SOWAHA: variants seen among roughly 807,000 people sequenced by gnomAD.
SOWAHA encodes sosondowah ankyrin repeat domain family member A.
In SOWAHA, 17 loss-of-function variants were observed where a neutral mutation model predicts 21.1. That is an observed-to-expected ratio of 0.80 (90% confidence interval 0.55 to 1.21). SOWAHA has a LOEUF of 1.21. SOWAHA is among the 50% of genes most tolerant of loss of function. SOWAHA has a pLI of 0.00. For synonymous variants in SOWAHA, 422 were observed against 397.1 expected, an observed-to-expected ratio of 1.06 and a Z score of -0.75; for missense variants, 862 against 816.0, an observed-to-expected ratio of 1.06 and a Z score of -0.69.
In SOWAHA at chr5:132,815,171, C is replaced by T; in HGVS notation, c.1550C>T (p.Thr517Ile). ...TCGCCCATGGCTCCACGTAAAAAGA[C>T]AAAGATCCGCGGTGGTCTGCCAGCC... Reference protein sequence around the residue: ...SASPMAPRKKTKIRGGLPAFS... With the variant: ...SASPMAPRKKIKIRGGLPAFS... The change falls in exon 1 of 1, where the codon ACA becomes ATA. Residue 517 changes from threonine to isoleucine, a missense_variant. By Grantham distance (89) the Thr-to-Ile change is moderately conservative. Transcript: ENST00000378693. The T allele has an allele frequency of 6.2e-7, 1 of 1,614,056 alleles. No homozygotes were observed. Among genetic ancestry groups the T allele is most frequent in the Non-Finnish European group, 8.5e-7 (1 of 1,180,044 alleles).
Position 132,813,467 on chromosome 5 carries a change from T to G in SOWAHA, c.-155T>G, listed in dbSNP as rs553720724. ...CCGAGACGCCCCGGCCCAGCGGCAC[T>G]GGCGCGACCGAGGTCCAGCTTCGGG... On this transcript the variant is annotated 5_prime_UTR_variant, in exon 1 of 1. Coordinates refer to ENST00000378693, the MANE Select transcript of SOWAHA (RefSeq NM_175873.6). The G allele has an allele frequency of 3.4e-4, 127 of 377,150 alleles. 5 individuals carry two copies. The East Asian group carries it at 0.017, about 50-fold the overall frequency. The allele number at this position is 377,150 out of a possible 1,614,324, so 23.4% of individuals were successfully genotyped here. A position where few individuals can be genotyped will look rare whatever the true frequency, so the allele number is the denominator to read the frequency against.
At position 132,814,830 on chromosome 5, in the gene SOWAHA, G is replaced by C; in HGVS notation, c.1209G>C (p.Leu403=). 1 of 1,516,662 alleles carries C rather than the reference G, an allele frequency of 6.6e-7. No individual in the cohort carries two copies. Among genetic ancestry groups the C allele is most frequent in the Non-Finnish European group, 8.8e-7 (1 of 1,130,618 alleles). The allele number at this position is 1,516,662 out of a possible 1,614,324, so 94.0% of individuals were successfully genotyped here. Residue 403 remains leucine (L), a synonymous_variant, in exon 1 of 1, where the codon CTG becomes CTC. Transcript: ENST00000378693. The part of the protein sequence containing the change: ...ALHGHEDAAV[L]LVVRLGAQVH... ...ACGGCCACGAGGACGCTGCCGTGCTGCTGGTGGTGCGTCTGGGTGCCCAGG... is the reference window on the plus strand; with the variant it reads ...ACGGCCACGAGGACGCTGCCGTGCTCCTGGTGGTGCGTCTGGGTGCCCAGG...
chr5:132,815,299 T>G lies in SOWAHA; in HGVS notation c.*28T>G, dbSNP rs922031749. 1 of 1,586,186 alleles carries G rather than the reference T, an allele frequency of 6.3e-7. No individual in the cohort carries two copies. Among genetic ancestry groups the G allele is most frequent in the South Asian group, 1.1e-5 (1 of 87,182 alleles). ...GTCCCTGGGGCTACCACCTGGTTGA[T>G]CTATCGTGGCCTGCTCGTCGCAGTC... On this transcript the variant is annotated 3_prime_UTR_variant, in exon 1 of 1. Transcript: ENST00000378693.
Position 132,813,306 on chromosome 5 carries a change from G to C in SOWAHA, c.-316G>C, listed in dbSNP as rs566840749. On this transcript the variant is annotated 5_prime_UTR_variant, in exon 1 of 1. Coordinates refer to ENST00000378693, the MANE Select transcript of SOWAHA (RefSeq NM_175873.6). ...TGCATCGCGGGGGCAGCTGTCACCT[G>C]TAAGGCGAGCGCGGCGCGGGGGATG... Among the ~76,000 whole-genome samples, 44 of 152,130 alleles carry C rather than the reference G, an allele frequency of 2.9e-4. No individual in the cohort carries two copies. Among genetic ancestry groups the C allele is most frequent in the Non-Finnish European group, 5.0e-4 (34 of 67,982 alleles).
Position 132,815,142 on chromosome 5 carries a change from C to G in SOWAHA, c.1521C>G (p.Ser507Arg). The part of the protein sequence containing the change: ...KKSSSFSKFL[S>R]ASPMAPRKKT... ...CGAGCTCCTTCAGCAAGTTCTTGAG[C>G]GCCTCGCCCATGGCTCCACGTAAAA... Residue 507 changes from serine (S) to arginine (R), a missense_variant, in exon 1 of 1, where the codon AGC becomes AGG. Coordinates refer to ENST00000378693, the MANE Select transcript of SOWAHA (RefSeq NM_175873.6). 6.2e-7 allele frequency: 1 copy of G among 1,614,042 alleles called. No homozygotes were observed. Among genetic ancestry groups the G allele is most frequent in the Non-Finnish European group, 8.5e-7 (1 of 1,180,028 alleles).
chr5:132,813,634 G>C lies in SOWAHA; in HGVS notation c.13G>C (p.Ala5Pro). 1 of 1,365,922 alleles carries C rather than the reference G, an allele frequency of 7.3e-7. No homozygotes were observed. Among genetic ancestry groups the C allele is most frequent in the Non-Finnish European group, 9.4e-7 (1 of 1,065,136 alleles). The allele number at this position is 1,365,922 out of a possible 1,614,324, so 84.6% of individuals were successfully genotyped here. The change falls in exon 1 of 1, where the codon GCC becomes CCC. Residue 5 changes from alanine (A) to proline (P), a missense_variant. Ala to Pro is a conservative substitution (Grantham distance 27). Coordinates refer to ENST00000378693, the MANE Select transcript of SOWAHA (RefSeq NM_175873.6). ...CCAGGGCCCCACCATGGCGCTGGCCGCCGCCGCCGCCGCTGCGGCTGCCGG... is the reference window on the plus strand; with the variant it reads ...CCAGGGCCCCACCATGGCGCTGGCCCCCGCCGCCGCCGCTGCGGCTGCCGG... Reference protein sequence around the residue: MALAAAAAAAAAGVS... With the variant: MALAPAAAAAAAGVS...
At position 132,814,977 on chromosome 5, in the gene SOWAHA, C is replaced by T. The variant is rs771862254; in HGVS notation, c.1356C>T (p.Thr452=). 6.3e-6 allele frequency: 10 copies of T among 1,590,398 alleles called. No homozygotes were observed. In the African/African-American group the frequency reaches 1.1e-4, roughly 17 times the overall value. ...GAGGCACCACGGAGCCAGATGCGAC[C>T]GGTGGTGGAAGTGGCAGTCTTGCTG... is the stretch of plus-strand genomic sequence containing the variant. ...GLRGTTEPDA[T]GGGSGSLAAR... The change falls in exon 1 of 1, where the codon ACC becomes ACT. Residue 452 remains threonine, a synonymous_variant. Coordinates refer to ENST00000378693, the MANE Select transcript of SOWAHA (RefSeq NM_175873.6).
rs1758386169 is a variant in SOWAHA at position 132,816,470 on chromosome 5, T to C, written c.*1199T>C. The C allele has an allele frequency of 6.0e-6, 1 of 167,116 alleles. No individual in the cohort carries two copies. Among genetic ancestry groups the C allele is most frequent in the Non-Finnish European group, 1.5e-5 (1 of 68,120 alleles). 10.4% of individuals were successfully genotyped at this position (167,116 alleles called of 1,614,324 possible). A position where few individuals can be genotyped will look rare whatever the true frequency, so the allele number is the denominator to read the frequency against. ...ATGAGTGGCTTAACTTCTCTGGGCC[T>C]TTGTTCCTATCTGTAAATGAGAAAG... On this transcript the variant is annotated 3_prime_UTR_variant, in exon 1 of 1. Coordinates refer to ENST00000378693, the MANE Select transcript of SOWAHA (RefSeq NM_175873.6).
At position 132,815,893 on chromosome 5, in the gene SOWAHA, TA is replaced by T. The variant is rs1364535045; in HGVS notation, c.*626del. On this transcript the variant is annotated 3_prime_UTR_variant, in exon 1 of 1. Transcript: ENST00000378693. ...GGAAATTAATCCCAACCAACAAACT[TA>T]AAAGTTTATCTACCTCGTTTTAGGC... 1 of 166,874 alleles carries T rather than the reference TA, an allele frequency of 6.0e-6. No individual in the cohort carries two copies. Among genetic ancestry groups the T allele is most frequent in the African/African-American group, 2.4e-5 (1 of 41,462 alleles). 10.3% of individuals were successfully genotyped at this position (166,874 alleles called of 1,614,324 possible).
Position 132,813,872 on chromosome 5 carries a change from G to A in SOWAHA, c.251G>A (p.Arg84Gln), listed in dbSNP as rs368749353. ...TTCGTGGTGCTGAGGAAGAAGCCCC[G>A]GCCCCCGGAGCCCGAGCCCGCACCC... The part of the protein sequence containing the change: ...VKFVVLRKKP[R>Q]PPEPEPAPFG... The change falls in exon 1 of 1, where the codon CGG becomes CAG. Residue 84 changes from arginine to glutamine, a missense_variant. Arg to Gln is a conservative substitution (Grantham distance 43). Transcript: ENST00000378693. 1.9e-5 allele frequency: 29 copies of A among 1,548,428 alleles called. No individual in the cohort carries two copies. The highest frequency in any genetic ancestry group is 1.4e-4 in the African/African-American group (10 of 72,702).
In SOWAHA at chr5:132,814,229, C is replaced by G. The variant is rs1228099522; in HGVS notation, c.608C>G (p.Pro203Arg). 2 of 1,552,808 alleles carry G rather than the reference C, an allele frequency of 1.3e-6. No homozygotes were observed. The highest frequency in any genetic ancestry group is 1.4e-5 in the African/African-American group (1 of 71,908). Residue 203 changes from proline to arginine, a missense_variant, in exon 1 of 1, where the codon CCC becomes CGC. Pro to Arg is a moderately radical substitution (Grantham distance 103). Transcript: ENST00000378693. ...SPCSDPPDAE[P>R]GPGAAKGPPQ... Reference sequence around the variant, plus strand: ...TGCTCTGATCCGCCAGACGCGGAGCCCGGGCCCGGGGCAGCGAAAGGGCCG... The same window carrying G: ...TGCTCTGATCCGCCAGACGCGGAGCGCGGGCCCGGGGCAGCGAAAGGGCCG...
At position 132,813,741 on chromosome 5, in the gene SOWAHA, G is replaced by A; in HGVS notation, c.120G>A (p.Lys40=). 1 of 1,546,770 alleles carries A rather than the reference G, an allele frequency of 6.5e-7. No homozygotes were observed. The highest frequency in any genetic ancestry group is 8.7e-7 in the Non-Finnish European group (1 of 1,145,416). ...VRNSELLSRF[K]PLLDAGDPRG... Reference sequence around the variant, plus strand: ...ACTCCGAGCTGCTGAGCCGCTTCAAGCCGCTGCTCGATGCCGGCGACCCGC... The same window carrying A: ...ACTCCGAGCTGCTGAGCCGCTTCAAACCGCTGCTCGATGCCGGCGACCCGC... The change falls in exon 1 of 1, where the codon AAG becomes AAA. Residue 40 remains lysine (K), a synonymous_variant. Transcript: ENST00000378693.
chr5:132,814,867 G>A lies in SOWAHA; in HGVS notation c.1246G>A (p.Asp416Asn). 6.5e-7 allele frequency: 1 copy of A among 1,527,884 alleles called. No individual in the cohort carries two copies. Among genetic ancestry groups the A allele is most frequent in the Non-Finnish European group, 8.8e-7 (1 of 1,135,498 alleles). 94.6% of individuals were successfully genotyped at this position (1,527,884 alleles called of 1,614,324 possible). ...TCTGGGTGCCCAGGTGCACGTGCGT[G>A]ATCACAGCGGGCGTCGCGCCTACCA... ...VRLGAQVHVR[D>N]HSGRRAYQYL... Residue 416 changes from aspartate to asparagine, a missense_variant, in exon 1 of 1, where the codon GAT becomes AAT. By Grantham distance (23) the Asp-to-Asn change is conservative (BLOSUM62 1). Transcript: ENST00000378693.
chr5:132,813,896 C>T lies in SOWAHA; in HGVS notation c.275C>T (p.Pro92Leu), dbSNP rs777771129. 3 of 1,547,556 alleles carry T rather than the reference C, an allele frequency of 1.9e-6. No individual in the cohort carries two copies. Among genetic ancestry groups the T allele is most frequent in the Middle Eastern group, 1.7e-4 (1 of 5,754 alleles). Residue 92 changes from proline (P) to leucine (L), a missense_variant, in exon 1 of 1, where the codon CCC becomes CTC. Transcript: ENST00000378693. The stretch of plus-strand genomic sequence containing the variant: ...CGGCCCCCGGAGCCCGAGCCCGCAC[C>T]CTTCGGCCCCCCGGGGGCAGCGGCC... ...KPRPPEPEPA[P>L]FGPPGAAAQP...
rs774676243 is a variant in SOWAHA, at chr5:132,814,114, C to T, written c.493C>T (p.Leu165Phe). 2 of 1,598,546 alleles carry T rather than the reference C, an allele frequency of 1.3e-6. No homozygotes were observed. The highest frequency in any genetic ancestry group is 4.5e-5 in the East Asian group (2 of 44,788). Residue 165 changes from leucine to phenylalanine, a missense_variant, in exon 1 of 1, where the codon CTT becomes TTT. Transcript: ENST00000378693. ...PPGERSADPPLPALELAQATE... is the reference protein window; with the variant it reads ...PPGERSADPPFPALELAQATE... The stretch of plus-strand genomic sequence containing the variant: ...CGGGGAGCGGTCCGCCGACCCACCG[C>T]TTCCAGCCCTTGAGCTAGCCCAGGC...
rs533221607 is a variant in SOWAHA at position 132,815,295 on chromosome 5, T to C, written c.*24T>C. The C allele has an allele frequency of 2.3e-5, 37 of 1,590,210 alleles. No individual in the cohort carries two copies. The highest frequency in any genetic ancestry group is 3.2e-5 in the Non-Finnish European group (37 of 1,165,520). On this transcript the variant is annotated 3_prime_UTR_variant, in exon 1 of 1. Coordinates refer to ENST00000378693, the MANE Select transcript of SOWAHA (RefSeq NM_175873.6). Reference sequence around the variant, plus strand: ...GAAGGTCCCTGGGGCTACCACCTGGTTGATCTATCGTGGCCTGCTCGTCGC... The same window carrying C: ...GAAGGTCCCTGGGGCTACCACCTGGCTGATCTATCGTGGCCTGCTCGTCGC...
Position 132,815,324 on chromosome 5 carries a change from C to G in SOWAHA, c.*53C>G, listed in dbSNP as rs1163131450. 1 of 1,463,856 alleles carries G rather than the reference C, an allele frequency of 6.8e-7. No homozygotes were observed. The highest frequency in any genetic ancestry group is 1.4e-5 in the African/African-American group (1 of 71,338). The allele number at this position is 1,463,856 out of a possible 1,614,324, so 90.7% of individuals were successfully genotyped here. A position where few individuals can be genotyped will look rare whatever the true frequency, so the allele number is the denominator to read the frequency against. ...TCTATCGTGGCCTGCTCGTCGCAGT[C>G]CAAACCCGCCCAAGACTGCAGCCCA... On this transcript the variant is annotated 3_prime_UTR_variant, in exon 1 of 1. Transcript: ENST00000378693.
chr5:132,815,180 GC>G lies in SOWAHA; in HGVS notation c.1560del (p.Gly521ValfsTer18). On this transcript the variant is annotated frameshift_variant, in exon 1 of 1. Coordinates refer to ENST00000378693, the MANE Select transcript of SOWAHA (RefSeq NM_175873.6). LOFTEE classifies it high-confidence loss of function. ...PMAPRKKTKI[R>X]GGLPAFSEIS... ...GCTCCACGTAAAAAGACAAAGATCC[GC>G]GGTGGTCTGCCAGCCTTCTCAGAAA... is the stretch of plus-strand genomic sequence containing the variant. 6.2e-7 allele frequency: 1 copy of G among 1,613,942 alleles called. No homozygotes were observed. The highest frequency in any genetic ancestry group is 8.5e-7 in the Non-Finnish European group (1 of 1,180,030).
At position 132,814,962 on chromosome 5, in the gene SOWAHA, G is replaced by A. The variant is rs1758366519; in HGVS notation, c.1341G>A (p.Thr447=). 1 of 1,583,032 alleles carries A rather than the reference G, an allele frequency of 6.3e-7. No individual in the cohort carries two copies. Among genetic ancestry groups the A allele is most frequent in the Non-Finnish European group, 8.6e-7 (1 of 1,165,476 alleles). ...LLGDPGLRGT[T]EPDATGGGSG... ...GCGATCCAGGCCTGCGAGGCACCAC[G>A]GAGCCAGATGCGACCGGTGGTGGAA... The change falls in exon 1 of 1, where the codon ACG becomes ACA. Residue 447 remains threonine, a synonymous_variant. Coordinates refer to ENST00000378693, the MANE Select transcript of SOWAHA (RefSeq NM_175873.6).
Sources: allele counts gnomAD v4.1 joint callset (sites outside exome capture counted in the v4.1 genomes callset), GRCh38; gene constraint gnomAD v4.1.1; transcripts MANE v1.5; gene names NCBI Gene and HGNC (gene_info 2026-07-23, HGNC 2026-07-21).